Variants in PITPNC1 observed in about 807,000 individuals in gnomAD.
PITPNC1 encodes phosphatidylinositol transfer protein cytoplasmic 1, also known as cytoplasmic phosphatidylinositol transfer protein 1.
A neutral mutation model predicts 44.7 loss-of-function variants in PITPNC1; 18 were observed. The observed-to-expected ratio is 0.40, with a 90% CI of 0.28 to 0.60. The LOEUF is 0.60. Ranked by LOEUF, PITPNC1 falls within the 20% of genes least tolerant of loss-of-function variation. The pLI is 0.39. For synonymous variants in PITPNC1, 141 were observed against 149.6 expected, an observed-to-expected ratio of 0.94 and a Z score of 0.42; for missense variants, 290 against 418.4, an observed-to-expected ratio of 0.69 and a Z score of 2.68.
At chr17:67,381,416 G>T (rs1402623117) in intron 1 of PITPNC1, among the ~76,000 whole-genome samples, 1 of 149,624 alleles carries the variant, frequency 6.7e-6, no homozygotes, top group African/African-American at 2.5e-5. Flanking sequence ...ACTCTTGGTT[G>T]GCTCTGGGCC....
intron 4 of PITPNC1, among the ~76,000 whole-genome samples, chr17:67,558,466 TAA>T (rs139657943): frequency 1.9e-4 from 25 of 132,350 alleles, no homozygotes; most frequent in Non-Finnish European, 2.3e-4. Flanking sequence ...TTTCTAGAGC[TAA>T]AAAAAAAAAA....
At chr17:67,460,484 C>G (rs1344192067) in intron 1 of PITPNC1, among the ~76,000 whole-genome samples, 1 of 151,836 alleles carries the variant, frequency 6.6e-6, no homozygotes, top group Non-Finnish European at 1.5e-5. Flanking sequence ...AGAGCAGTGG[C>G]CCGATCTCAG....
At chr17:67,430,222 G>C (rs1347789720) in intron 1 of PITPNC1, among the ~76,000 whole-genome samples, 1 of 152,192 alleles carries the variant, frequency 6.6e-6, no homozygotes, top group African/African-American at 2.4e-5. Context: ...AACTTAGAAT[G>C]TTGGCTAGTG....
At chr17:67,429,135 C>T (rs2038818659) in intron 1 of PITPNC1, among the ~76,000 whole-genome samples, 1 of 152,070 alleles carries the variant, frequency 6.6e-6, no homozygotes, top group African/African-American at 2.4e-5. Flanking sequence ...GCCACCACGC[C>T]CGGCTTTTTT....
chr17:67,457,607 C>G (rs556602476), intron 1 of PITPNC1: 1 of 152,288 alleles, frequency 6.6e-6, no homozygotes, highest in Admixed American at 6.5e-5. Flanking sequence ...CCAGGATGGT[C>G]TTGATCTCCT....
Position 67,621,710 on chromosome 17 carries a change from G to A in PITPNC1, c.367-10433G>A, listed in dbSNP as rs576960820. On this transcript the variant is annotated intron_variant, in intron 5 of 8. Coordinates refer to ENST00000581322, the MANE Select transcript of PITPNC1 (RefSeq NM_012417.4). ...CCAATTCATTGAATGGTGGGCATTCGGCCTCTTCATCTCTAGAGTGCTGTC... is the reference window on the plus strand; with the variant it reads ...CCAATTCATTGAATGGTGGGCATTCAGCCTCTTCATCTCTAGAGTGCTGTC... Among the ~76,000 whole-genome samples the A allele has an allele frequency of 9.9e-5, 15 of 152,118 alleles. No individual in the cohort carries two copies. In the East Asian group the frequency reaches 1.4e-3, roughly 14 times the overall value.
chr17:67,461,277 T>C (rs2039333739), intron 1 of PITPNC1, among the ~76,000 whole-genome samples: 1 of 152,256 alleles, frequency 6.6e-6, no homozygotes, highest in Non-Finnish European at 1.5e-5. Context: ...TTGAAAATGC[T>C]TCTATAAAAT....
At chr17:67,663,643 C>G (rs1451543915) in intron 6 of PITPNC1, among the ~76,000 whole-genome samples, 1 of 151,794 alleles carries the variant, frequency 6.6e-6, no homozygotes, top group Non-Finnish European at 1.5e-5. Flanking sequence ...TTGACTGCCC[C>G]CTAAGCAGTG....
chr17:67,447,790 A>G (rs1222672440), intron 1 of PITPNC1, among the ~76,000 whole-genome samples: 1 of 152,094 alleles, frequency 6.6e-6, no homozygotes, highest in East Asian at 1.9e-4. Context: ...TGAAGGGACA[A>G]ACCCCTGCTT....
intron 1 of PITPNC1, among the ~76,000 whole-genome samples, chr17:67,495,029 G>GCC (rs1020738511): frequency 7.4e-6 from 1 of 134,416 alleles, no homozygotes; most frequent in African/African-American, 2.7e-5. Flanking sequence ...GCAATATTGA[G>GCC]CCATGGAGTT....
At chr17:67,604,253 T>G (rs1431639543) in intron 5 of PITPNC1, among the ~76,000 whole-genome samples, 3 of 152,198 alleles carry the variant, frequency 2.0e-5, no homozygotes, top group African/African-American at 4.8e-5. Flanking sequence ...ATGTGTCTAG[T>G]TTTTACACAT....
At chr17:67,573,452 G>T (rs1406356704) in intron 4 of PITPNC1, among the ~76,000 whole-genome samples, 1 of 151,916 alleles carries the variant, frequency 6.6e-6, no homozygotes, top group Non-Finnish European at 1.5e-5. Context: ...AGTGTAGAGA[G>T]GTCTCCAGGG....
intron 6 of PITPNC1, among the ~76,000 whole-genome samples, chr17:67,648,086 A>G (rs145464676): frequency 6.6e-6 from 1 of 152,358 alleles, no homozygotes; most frequent in East Asian, 1.9e-4. Context: ...CTTATTGAAC[A>G]TCTCTACCCT....
chr17:67,656,238 C>T (rs561967538), intron 6 of PITPNC1, among the ~76,000 whole-genome samples: 4 of 152,246 alleles, frequency 2.6e-5, no homozygotes, highest in Admixed American at 1.3e-4. Flanking sequence ...TTCTGGAGGC[C>T]GGAAGTCTGA....
chr17:67,464,159 C>T (rs1468018234), intron 1 of PITPNC1, among the ~76,000 whole-genome samples: 1 of 151,524 alleles, frequency 6.6e-6, no homozygotes, highest in Non-Finnish European at 1.5e-5. Context: ...CGCCACTGCA[C>T]TCCAGCCTGG....
chr17:67,543,901 AGTGCG>A (rs1188760551), intron 2 of PITPNC1, among the ~76,000 whole-genome samples: 3 of 152,268 alleles, frequency 2.0e-5, no homozygotes, highest in Non-Finnish European at 4.4e-5. Flanking sequence ...CCCAGGCAGG[AGTGCG>A]GTGCTGTAAT....
intron 5 of PITPNC1, among the ~76,000 whole-genome samples, chr17:67,631,222 A>T (rs2041962739): frequency 6.6e-6 from 1 of 151,554 alleles, no homozygotes; most frequent in Non-Finnish European, 1.5e-5. Flanking sequence ...CCCTTAAATG[A>T]TCAAGAAAAA....
intron 2 of PITPNC1, among the ~76,000 whole-genome samples, chr17:67,544,062 G>C (rs2040644604): frequency 6.6e-6 from 1 of 152,196 alleles, no homozygotes; most frequent in Admixed American, 6.5e-5. Flanking sequence ...TGTTGGCCAG[G>C]CTGGTCTCGA....
chr17:67,575,946 A>G (rs1187780895), intron 4 of PITPNC1, among the ~76,000 whole-genome samples: 10 of 133,238 alleles, frequency 7.5e-5, no homozygotes, highest in African/African-American at 3.0e-4. Context: ...GCATGATCTC[A>G]GCTCACTGCA....
Sources: gnomAD v4.1 joint callset for allele counts (sites outside exome capture counted in the v4.1 genomes callset) on GRCh38, gnomAD v4.1.1 for gene constraint, MANE v1.5 for transcripts, NCBI Gene and HGNC (gene_info 2026-07-23, HGNC 2026-07-21) for gene names.